Variants in KLRG1 observed in about 807,000 individuals in gnomAD.
KLRG1 encodes the protein killer cell lectin like receptor G1, also known as killer cell lectin-like receptor subfamily G member 1.
A neutral mutation model predicts 21.8 loss-of-function variants in KLRG1; 16 were observed. The ratio of observed to expected loss-of-function variants is 0.73; its 90% CI spans 0.50 to 1.11. The LOEUF (loss-of-function observed/expected upper bound fraction) is 1.11. Among genes scored for constraint, KLRG1 ranks in the 50% most tolerant of loss-of-function variants. The probability of loss-of-function intolerance (pLI) is 0.00; values close to 1 mark genes in which losing one functional copy is unlikely to be tolerated. For synonymous variants in KLRG1, 69 were observed against 75.9 expected (o/e 0.91, Z 0.47); for missense variants, 173 against 218.3 (o/e 0.79, Z 1.31).
At chr12:9,057,533 C>T in the KLRG1 span, 1 of 152,480 alleles carries the variant, frequency 6.6e-6, no homozygotes, top group Admixed American at 6.6e-5. Context: ...GAAAAAAACC[C>T]CAAACACATT....
intron 1 of KLRG1, among the ~76,000 whole-genome samples, chr12:8,975,941 C>G (rs1946651293): frequency 6.6e-6 from 1 of 151,942 alleles, no homozygotes; most frequent in African/African-American, 2.4e-5. Context: ...CAATTTTCTT[C>G]TATTGTTTTC....
chr12:9,213,264 G>T, the KLRG1 span, among the ~76,000 whole-genome samples: 1 of 152,100 alleles, frequency 6.6e-6, no homozygotes, highest in Non-Finnish European at 1.5e-5. Context: ...ATTAGCTATT[G>T]TGAATAATTC....
At chr12:8,986,048 G>A (rs1357500609), upstream of KLRG1, among the ~76,000 whole-genome samples, 1 of 152,184 alleles carries the variant, frequency 6.6e-6, no homozygotes, top group African/African-American at 2.4e-5. Context: ...CTGTAACAGG[G>A]ACCATAGGAG....
At chr12:9,187,077 C>CCA in the KLRG1 span, among the ~76,000 whole-genome samples, 2 of 128,732 alleles carry the variant, frequency 1.6e-5, no homozygotes, top group South Asian at 2.5e-4. Flanking sequence ...CAAGAAAGGT[C>CCA]AAAAAAAAAA....
the KLRG1 span, among the ~76,000 whole-genome samples, chr12:9,209,244 G>C: frequency 6.6e-6 from 1 of 152,042 alleles, no homozygotes; most frequent in Non-Finnish European, 1.5e-5. Flanking sequence ...TGTATTGCTT[G>C]AAACTTTTTA....
At chr12:9,160,891 G>C in the KLRG1 span, 1 of 737,864 alleles carries the variant, frequency 1.4e-6, no homozygotes, top group South Asian at 1.6e-5. Flanking sequence ...CTCCAGCCTG[G>C]GCGACAGAGC....
the KLRG1 span, chr12:9,099,241 ACT>A: frequency 2.7e-3 from 2,022 of 757,870 alleles, 9 homozygotes; most frequent in Non-Finnish European, 3.3e-3. Context: ...TCTTAGTGTG[ACT>A]CTGCCACTAC....
At chr12:9,193,262 A>G in the KLRG1 span, among the ~76,000 whole-genome samples, 1 of 152,198 alleles carries the variant, frequency 6.6e-6, no homozygotes, top group Non-Finnish European at 1.5e-5. Flanking sequence ...TTTGCGCACA[A>G]TTCTATTTCC....
the KLRG1 span, among the ~76,000 whole-genome samples, chr12:9,195,948 G>T: frequency 6.6e-6 from 1 of 151,800 alleles, no homozygotes; most frequent in Admixed American, 6.6e-5. Context: ...TGTCAGAAGA[G>T]ATCAACAGAT....
At chr12:9,142,517 G>A in the KLRG1 span, among the ~76,000 whole-genome samples, 15 of 152,248 alleles carry the variant, frequency 9.9e-5, no homozygotes, top group South Asian at 1.2e-3. Context: ...TTAAAGTCAC[G>A]TGAACTGAAA....
chr12:9,126,370 T>C, the KLRG1 span, among the ~76,000 whole-genome samples: 1 of 152,226 alleles, frequency 6.6e-6, no homozygotes, highest in Non-Finnish European at 1.5e-5. Context: ...GGACACAATG[T>C]GTATGAAGCA....
the KLRG1 span, among the ~76,000 whole-genome samples, chr12:9,125,114 C>T: frequency 6.6e-6 from 1 of 152,300 alleles, no homozygotes; most frequent in Non-Finnish European, 1.5e-5. Flanking sequence ...CTTCAGAGAC[C>T]TGCAGAGACT....
chr12:9,129,108 A>G, the KLRG1 span, among the ~76,000 whole-genome samples: 2 of 152,136 alleles, frequency 1.3e-5, no homozygotes, highest in African/African-American at 4.8e-5. Flanking sequence ...AGAAATAACC[A>G]TGTTTATTAC....
chr12:9,025,882 A>G, the KLRG1 span, among the ~76,000 whole-genome samples: 1 of 152,222 alleles, frequency 6.6e-6, no homozygotes, highest in African/African-American at 2.4e-5. Context: ...AGACAAGGTC[A>G]TATACTAAGA....
At chr12:9,135,249 T>C in the KLRG1 span, 2 of 257,320 alleles carry the variant, frequency 7.8e-6, no homozygotes, top group South Asian at 1.1e-4. Context: ...AGAAAAGCCA[T>C]ACAAAAGATC....
intron 1 of KLRG1, among the ~76,000 whole-genome samples, chr12:8,960,051 G>A (rs1370224559): frequency 2.0e-5 from 3 of 152,174 alleles, no homozygotes; most frequent in Non-Finnish European, 4.4e-5. Flanking sequence ...TAAACAACTG[G>A]CAAACTGGGA....
chr12:9,019,176 T>A, the KLRG1 span, among the ~76,000 whole-genome samples: 1 of 152,194 alleles, frequency 6.6e-6, no homozygotes, highest in Admixed American at 6.5e-5. Flanking sequence ...GAAAAGGTAC[T>A]CAACATCACT....
chr12:9,112,562 C>T, the KLRG1 span: 1 of 1,612,520 alleles, frequency 6.2e-7, no homozygotes, highest in South Asian at 1.1e-5. Context: ...GATCCTGAAA[C>T]CCCATTCAGC....
At chr12:9,079,396 C>T in the KLRG1 span, 2 of 1,470,532 alleles carry the variant, frequency 1.4e-6, no homozygotes, top group Non-Finnish European at 1.9e-6. Flanking sequence ...GGAGAAATTA[C>T]TAAAAGTACC....
Sources: allele counts gnomAD v4.1 joint callset (sites outside exome capture counted in the v4.1 genomes callset), GRCh38; gene constraint gnomAD v4.1.1; transcripts MANE v1.5; gene names NCBI Gene and HGNC (gene_info 2026-07-23, HGNC 2026-07-21).